The following TAB1 variants were observed in gnomAD, a reference collection of about 807,000 sequenced individuals.
The protein encoded by TAB1 is TGF-beta-activated kinase 1 and MAP3K7-binding protein 1.
Under a neutral mutation model 54.5 loss-of-function variants are expected in TAB1, and 30 were observed. The observed-to-expected ratio is 0.55, with a 90% CI of 0.41 to 0.75. TAB1 has a LOEUF of 0.75. Among genes scored for constraint, TAB1 ranks in the 30% least tolerant of loss-of-function variants. TAB1 has a pLI of 0.00. For missense variants in TAB1, 609 were observed against 683.2 expected, an observed-to-expected ratio of 0.89 and a Z score of 1.21; for synonymous variants, 289 against 286.9, an observed-to-expected ratio of 1.01 and a Z score of -0.07.
downstream of TAB1, chr22:39,433,967 A>C (rs1601704943): frequency 1.6e-5 from 5 of 303,630 alleles, no homozygotes; most frequent in Non-Finnish European, 2.3e-5. Context: ...CGCCTGCTCC[A>C]CGGGAGCAAG....
chr22:39,420,775 C>CTGTGTGTG (rs71326771), intron 7 of TAB1, among the ~76,000 whole-genome samples: 3,893 of 71,738 alleles, frequency 0.054, 160 homozygotes, highest in East Asian at 0.27. Context: ...CACGGTGTCT[C>CTGTGTGTG]TGTGTGTGTG....
At position 39,422,400 on chromosome 22, in the gene TAB1, C is replaced by CTTTTTTTTTT. The variant is rs965591327; in HGVS notation, c.921+446_921+455dup. Among the ~76,000 whole-genome samples the CTTTTTTTTTT allele has an allele frequency of 1.7e-4, 15 of 88,522 alleles. 1 individual carries two copies. The highest frequency in any genetic ancestry group is 3.1e-4 in the Non-Finnish European group (14 of 44,786). 58.1% of individuals were successfully genotyped at this position (88,522 alleles called of 152,430 possible). A position where few individuals can be genotyped will look rare whatever the true frequency, so the allele number is the denominator to read the frequency against. ...ACAATTTATAGTTTGCTTCTCATTT[C>CTTTTTTTTTT]TTTTTTTTTTTTTTTTTTTTTTTTT... is the stretch of plus-strand genomic sequence containing the variant. On this transcript the variant is annotated intron_variant, in intron 8 of 10. Transcript: ENST00000216160.
At position 39,426,939 on chromosome 22, in the gene TAB1, G is replaced by T. The variant is rs769458333; in HGVS notation, c.1144+14G>T. 4.4e-6 allele frequency: 7 copies of T among 1,603,774 alleles called. No homozygotes were observed. In the Admixed American group the frequency reaches 1.2e-4, roughly 27 times the overall value. On this transcript the variant is annotated intron_variant, in intron 9 of 10. Transcript: ENST00000216160. The stretch of plus-strand genomic sequence containing the variant: ...GCCCAGCCCCAGGTACGTGTGCTGT[G>T]CAGACAGGCAGTGCCTGGGGATGCC...
chr22:39,415,682 A>T lies in TAB1; in HGVS notation c.324+29A>T, dbSNP rs116968115. The T allele has an allele frequency of 1.0e-3, 1,619 of 1,594,704 alleles. 65 individuals are homozygous for T. The East Asian group carries it at 0.036, about 35-fold the overall frequency. On this transcript the variant is annotated intron_variant, in intron 3 of 10. Transcript: ENST00000216160. This position sits in a 1 kb window ranked among gnomAD's most constrained non-coding sequence, Gnocchi z 4.9. ...ATGGTGCCGGGGCCAACAGTGACCC[A>T]GCCACATCATGTCCCCCACCCCAAG...
intron 3 of TAB1, among the ~76,000 whole-genome samples, chr22:39,416,072 C>T (rs1400932682): frequency 6.6e-6 from 1 of 152,192 alleles, no homozygotes; most frequent in Non-Finnish European, 1.5e-5. Flanking sequence ...CCGCCGCCCT[C>T]ATTGACTGGT....
Position 39,419,180 on chromosome 22 carries a change from G to A in TAB1, c.664+335G>A, listed in dbSNP as rs193056506. Among the ~76,000 whole-genome samples, 7 of 152,352 alleles carry A rather than the reference G, an allele frequency of 4.6e-5. No individual in the cohort carries two copies. The East Asian group carries it at 1.2e-3, about 25-fold the overall frequency. Reference sequence around the variant, plus strand: ...GTGGAGACTGAAAGAGGCCAAAGAAGTCCAGGGAGCCCAGCTGCTGCTGAG... The same window carrying A: ...GTGGAGACTGAAAGAGGCCAAAGAAATCCAGGGAGCCCAGCTGCTGCTGAG... On this transcript the variant is annotated intron_variant, in intron 6 of 10. Transcript: ENST00000216160.
At chr22:39,420,390 G>A (rs1348774129) in intron 7 of TAB1, among the ~76,000 whole-genome samples, 2 of 152,226 alleles carry the variant, frequency 1.3e-5, no homozygotes, top group Non-Finnish European at 2.9e-5. Context: ...TAACCTGTAT[G>A]TGAAGTGTTG....
intron 1 of TAB1, among the ~76,000 whole-genome samples, chr22:39,411,956 T>C (rs1236245749): frequency 2.7e-4 from 41 of 152,184 alleles, no homozygotes; most frequent in Admixed American, 2.7e-3. Context: ...AGAGACATAA[T>C]GTTGAGTGAA....
At chr22:39,426,460 C>G (rs924324092) in intron 8 of TAB1, among the ~76,000 whole-genome samples, 2 of 152,224 alleles carry the variant, frequency 1.3e-5, no homozygotes, top group African/African-American at 4.8e-5. Context: ...TCTCCCCATC[C>G]TAGAGGTGTG....
chr22:39,422,727 T>C (rs565297874), intron 8 of TAB1, among the ~76,000 whole-genome samples: 1 of 152,234 alleles, frequency 6.6e-6, no homozygotes, highest in African/African-American at 2.4e-5. Context: ...GTGAGGATGG[T>C]AACATCTGCC....
At chr22:39,436,783 A>T (rs1319970484), downstream of TAB1, 2 of 580,446 alleles carry the variant, frequency 3.4e-6, no homozygotes, top group Non-Finnish European at 6.1e-6. Flanking sequence ...GCTCACTCTC[A>T]TCTTCTTTCC....
At chr22:39,419,837 C>G (rs1194098405) in intron 7 of TAB1, among the ~76,000 whole-genome samples, 5 of 151,564 alleles carry the variant, frequency 3.3e-5, no homozygotes, top group Non-Finnish European at 5.9e-5. Flanking sequence ...ACTGTAGGCC[C>G]CAGTGACACA....
chr22:39,426,523 C>G (rs1927344981), intron 8 of TAB1, among the ~76,000 whole-genome samples, 180 bp from the exon 9 acceptor site: 1 of 152,234 alleles, frequency 6.6e-6, no homozygotes, highest in African/African-American at 2.4e-5. Context: ...TGAGAAAGTT[C>G]CAGAAGGATT....
At chr22:39,409,941 T>A (rs1926539510) in intron 1 of TAB1, among the ~76,000 whole-genome samples, 1 of 152,208 alleles carries the variant, frequency 6.6e-6, no homozygotes, top group South Asian at 2.1e-4. Context: ...CAGCAGATAT[T>A]TATTGAAAGA....
In TAB1 at chr22:39,430,087, C is replaced by G; in HGVS notation, c.1380C>G (p.Gly460=). The G allele has an allele frequency of 6.2e-7, 1 of 1,614,106 alleles. No individual in the cohort carries two copies. Among genetic ancestry groups the G allele is most frequent in the Non-Finnish European group, 8.5e-7 (1 of 1,180,038 alleles). The part of the protein sequence containing the change: ...TQSSSSSSDG[G]LFRSRPAHSL... ...GCAGCAGCTCCAGCTCTGACGGAGG[C>G]CTCTTCCGCTCCCGGCCCGCCCACT... Residue 460 remains glycine, a synonymous_variant, in exon 11 of 11, where the codon GGC becomes GGG. Transcript: ENST00000216160.
chr22:39,432,875 GA>G, downstream of TAB1: 1 of 985,442 alleles, frequency 1.0e-6, no homozygotes, highest in Non-Finnish European at 1.2e-6. Flanking sequence ...AGGTGAGAGG[GA>G]CACTGTTTCA....
chr22:39,406,824 G>A (rs969186714), intron 1 of TAB1, among the ~76,000 whole-genome samples: 8 of 152,092 alleles, frequency 5.3e-5, no homozygotes, highest in East Asian at 1.9e-4. Context: ...TAGTAGAGAC[G>A]GGGTTTCACC....
Position 39,404,393 on chromosome 22 carries a change from G to A in TAB1, c.33+4558G>A, listed in dbSNP as rs76775358. On this transcript the variant is annotated intron_variant, in intron 1 of 10. Coordinates refer to ENST00000216160, the MANE Select transcript of TAB1 (RefSeq NM_006116.3). ...GAGGCCAGGAGTTCCAGATCAGCTC[G>A]GGCAACATAGTGAGATTCAGTCTTT... Among the ~76,000 whole-genome samples the A allele has an allele frequency of 2.3e-3, 356 of 152,130 alleles. 1 individual carries two copies. Among genetic ancestry groups the A allele is most frequent in the African/African-American group, 8.1e-3 (337 of 41,516 alleles).
At chr22:39,428,279 G>A (rs1360298518) in intron 10 of TAB1, 96 bp downstream of exon 10, 2 of 800,560 alleles carry the variant, frequency 2.5e-6, no homozygotes, top group African/African-American at 3.4e-5. Flanking sequence ...CAAGGCTTGT[G>A]GATGAGATGC....
Sources: allele counts gnomAD v4.1 joint callset (sites outside exome capture counted in the v4.1 genomes callset), GRCh38; gene constraint gnomAD v4.1.1; non-coding constraint Gnocchi (gnomAD v3.1); transcripts MANE v1.5; gene names NCBI Gene and HGNC (gene_info 2026-07-23, HGNC 2026-07-21).